Variants in RNF214 observed in about 807,000 individuals in gnomAD.
RNF214 encodes ring finger protein 214.
Under a neutral mutation model 75.9 loss-of-function variants are expected in RNF214, and 25 were observed. The observed-to-expected ratio is 0.33, with a 90% confidence interval of 0.24 to 0.46. The LOEUF is 0.46. RNF214 is among the 20% of genes least tolerant of loss of function. RNF214 has a pLI of 1.00. For synonymous variants in RNF214, 314 were observed against 308.8 expected (o/e 1.02, Z -0.18); for missense variants, 725 against 857.5 (o/e 0.85, Z 1.93).
intron 2 of RNF214, among the ~76,000 whole-genome samples, chr11:117,235,585 G>A (rs528272022): frequency 2.8e-5 from 4 of 142,202 alleles, no homozygotes; most frequent in South Asian, 2.3e-4. Context: ...TGCAACCTCC[G>A]TCTCCTGGGT....
intron 6 of RNF214, among the ~76,000 whole-genome samples, chr11:117,272,117 T>C (rs1349112646): frequency 6.6e-6 from 1 of 152,164 alleles, no homozygotes; most frequent in African/African-American, 2.4e-5. Flanking sequence ...CTGTAGCTAC[T>C]TGGGAGGCTG....
At chr11:117,269,435 C>T (rs1439576697) in intron 6 of RNF214, among the ~76,000 whole-genome samples, 1 of 152,130 alleles carries the variant, frequency 6.6e-6, no homozygotes, top group Non-Finnish European at 1.5e-5. Context: ...GATCATGGCT[C>T]ACCACAGCCT....
At chr11:117,280,971 T>G (rs1310340081) in intron 8 of RNF214, among the ~76,000 whole-genome samples, 1 of 145,936 alleles carries the variant, frequency 6.9e-6, no homozygotes, top group Non-Finnish European at 1.5e-5. Flanking sequence ...CTCAGAGAAT[T>G]AGGAATAGGG....
chr11:117,251,369 C>G (rs1195746431), intron 6 of RNF214, among the ~76,000 whole-genome samples: 1 of 140,492 alleles, frequency 7.1e-6, no homozygotes, highest in Admixed American at 7.0e-5. Context: ...GGCGGCTGGC[C>G]GGGCGGGGGG....
intron 6 of RNF214, among the ~76,000 whole-genome samples, chr11:117,262,378 C>T (rs542169838): frequency 5.9e-5 from 9 of 151,910 alleles, no homozygotes; most frequent in African/African-American, 1.2e-4. Flanking sequence ...TGAGCCACCG[C>T]ACCTGGCCTG....
intron 5 of RNF214, among the ~76,000 whole-genome samples, chr11:117,245,584 C>T (rs1244183900): frequency 6.6e-6 from 1 of 152,002 alleles, no homozygotes; most frequent in Non-Finnish European, 1.5e-5. Context: ...CCTCATGATC[C>T]ACCTGCCTCG....
Position 117,285,754 on chromosome 11 carries a change from A to G in RNF214, c.*603A>G, listed in dbSNP as rs2034242762. ...AACGCTCATTATTTATACAGACATTAGGTTTACAGAATATTCTGTTTTACA... is the reference window on the plus strand; with the variant it reads ...AACGCTCATTATTTATACAGACATTGGGTTTACAGAATATTCTGTTTTACA... On this transcript the variant is annotated 3_prime_UTR_variant, in exon 15 of 15. Coordinates refer to ENST00000300650, the MANE Select transcript of RNF214 (RefSeq NM_207343.4). 6.6e-6 allele frequency: 1 copy of G among 152,330 alleles called. No homozygotes were observed. The highest frequency in any genetic ancestry group is 2.1e-4 in the South Asian group (1 of 4,834). 9.4% of individuals were successfully genotyped at this position (152,330 alleles called of 1,614,324 possible).
At chr11:117,238,249 AC>A (rs2032965982) in intron 2 of RNF214, among the ~76,000 whole-genome samples, 1 of 152,170 alleles carries the variant, frequency 6.6e-6, no homozygotes, top group African/African-American at 2.4e-5. Flanking sequence ...TGCAAAAAAT[AC>A]AAAAAATTAG....
At position 117,261,072 on chromosome 11, in the gene RNF214, C is replaced by G. The variant is rs113103484; in HGVS notation, c.959+14124C>G. On this transcript the variant is annotated intron_variant, in intron 6 of 14. Coordinates refer to ENST00000300650, the MANE Select transcript of RNF214 (RefSeq NM_207343.4). Reference sequence around the variant, plus strand: ...ATTGCACTGGCTAGGACCTCCAGTACAATATTGAATAGAAGTGGTAAAGTA... The same window carrying G: ...ATTGCACTGGCTAGGACCTCCAGTAGAATATTGAATAGAAGTGGTAAAGTA... 6.6e-3 allele frequency among the ~76,000 whole-genome samples: 1,004 copies of G among 152,052 alleles called. 16 individuals are homozygous for G. The highest frequency in any genetic ancestry group is 0.023 in the African/African-American group (968 of 41,484).
intron 6 of RNF214, among the ~76,000 whole-genome samples, chr11:117,274,444 C>A (rs1213034421): frequency 7.5e-6 from 1 of 134,178 alleles, no homozygotes; most frequent in Non-Finnish European, 1.5e-5. Context: ...CTCACTGTAA[C>A]CTCCGCCTCC....
At chr11:117,281,120 G>A (rs925093144) in intron 8 of RNF214, among the ~76,000 whole-genome samples, 194 bp from the exon 9 acceptor site, 1 of 151,262 alleles carries the variant, frequency 6.6e-6, no homozygotes, top group Non-Finnish European at 1.5e-5. Context: ...GACTATAGGC[G>A]TGAGCCACCA....
At chr11:117,234,245 T>C (rs1230151265) in intron 1 of RNF214, 22 bp from the exon 2 acceptor site, 14 of 1,560,876 alleles carry the variant, frequency 9.0e-6, no homozygotes, top group Non-Finnish European at 1.2e-5. Flanking sequence ...TTGTAGCCTG[T>C]AATTTGTTTC....
At chr11:117,280,630 TC>T (rs2034108034) in intron 8 of RNF214, among the ~76,000 whole-genome samples, 1 of 152,148 alleles carries the variant, frequency 6.6e-6, no homozygotes, top group Non-Finnish European at 1.5e-5. Context: ...TTTGATGGCA[TC>T]ACTGCACTCC....
chr11:117,284,277 A>G (rs2034195621), intron 14 of RNF214, among the ~76,000 whole-genome samples: 2 of 152,234 alleles, frequency 1.3e-5, no homozygotes, highest in African/African-American at 4.8e-5. Flanking sequence ...TTATCTTCAC[A>G]GACTGACAAG....
At chr11:117,254,629 C>CTT (rs1161323482) in intron 6 of RNF214, among the ~76,000 whole-genome samples, 1 of 144,832 alleles carries the variant, frequency 6.9e-6, no homozygotes. Context: ...CGTTCTTCTT[C>CTT]TTTTTTTTTT....
Position 117,239,124 on chromosome 11 carries a change from G to GT in RNF214, c.618+16dup. On this transcript the variant is annotated intron_variant, in intron 3 of 14. Transcript: ENST00000300650. ...CATTGCTGTACAGGTCAAGTGTCAA[G>GT]TTTCTACTACTAAAATGTAATTGGG... is the stretch of plus-strand genomic sequence containing the variant. 1 of 1,569,022 alleles carries GT rather than the reference G, an allele frequency of 6.4e-7. No homozygotes were observed. The highest frequency in any genetic ancestry group is 8.7e-7 in the Non-Finnish European group (1 of 1,153,356).
intron 8 of RNF214, among the ~76,000 whole-genome samples, chr11:117,280,784 C>T (rs1052463660): frequency 6.6e-6 from 1 of 152,088 alleles, no homozygotes; most frequent in African/African-American, 2.4e-5. Flanking sequence ...TTGGAGGACC[C>T]TTGTGGCATT....
intron 3 of RNF214, chr11:117,239,537 A>G (rs952777169): frequency 6.0e-6 from 3 of 500,830 alleles, no homozygotes; most frequent in Non-Finnish European, 1.1e-5. Flanking sequence ...AACAGACTGT[A>G]GAGGGCAGAC....
At chr11:117,251,457 G>A (rs2033387738) in intron 6 of RNF214, among the ~76,000 whole-genome samples, 1 of 133,846 alleles carries the variant, frequency 7.5e-6, no homozygotes, top group Non-Finnish European at 1.6e-5. Flanking sequence ...TCCCGGACGG[G>A]GCGGCTGGCC....
Sources: gnomAD v4.1 joint callset for allele counts (sites outside exome capture counted in the v4.1 genomes callset) on GRCh38, gnomAD v4.1.1 for gene constraint, MANE v1.5 for transcripts, NCBI Gene and HGNC (gene_info 2026-07-23, HGNC 2026-07-21) for gene names.